OR3A2: variants seen among roughly 807,000 people sequenced by gnomAD.
OR3A2 encodes olfactory receptor 3A2.
For missense variants in OR3A2, 318 were observed against 392.8 expected, an observed-to-expected ratio of 0.81 and a Z score of 1.61; for synonymous variants, 126 against 159.3, an observed-to-expected ratio of 0.79 and a Z score of 1.57.
chr17:3,304,927 T>TTTA (rs1351497741), intron 3 of OR3A2, among the ~76,000 whole-genome samples: 1 of 152,226 alleles, frequency 6.6e-6, no homozygotes, highest in African/African-American at 2.4e-5. Context: ...ACGATTCCAC[T>TTTA]TATATAAAGT....
chr17:3,327,908 T>G (rs1397212944), intron 3 of OR3A2, among the ~76,000 whole-genome samples: 1 of 128,374 alleles, frequency 7.8e-6, no homozygotes, highest in Non-Finnish European at 1.6e-5. Context: ...TCTGTTCCAT[T>G]GACCTATATC....
chr17:3,370,772 G>A (rs932400441), intron 2 of OR3A2, among the ~76,000 whole-genome samples: 15 of 151,342 alleles, frequency 9.9e-5, no homozygotes, highest in Admixed American at 7.9e-4. Flanking sequence ...AGGACCCTGC[G>A]GCCTTCCGCA....
chr17:3,352,760 G>C (rs1253609225), intron 2 of OR3A2, among the ~76,000 whole-genome samples: 1 of 151,660 alleles, frequency 6.6e-6, no homozygotes, highest in Non-Finnish European at 1.5e-5. Context: ...ATAAATTTTA[G>C]GATTTTTTTC....
chr17:3,332,788 T>A (rs1222223157), intron 3 of OR3A2, among the ~76,000 whole-genome samples: 1 of 152,224 alleles, frequency 6.6e-6, no homozygotes, highest in African/African-American at 2.4e-5. Flanking sequence ...TGGACATTTA[T>A]CAGTTCCCAA....
rs8076130 is a variant in OR3A2 at position 3,311,208 on chromosome 17, G to A, written c.-85+24825C>T. On this transcript the variant is annotated intron_variant, in intron 3 of 4. Coordinates refer to the OR3A2 transcript ENST00000573491. The surrounding 1 kb of genome is among the most constrained non-coding windows in gnomAD (Gnocchi z 4.6). ...CATCTACTGGACATCTCTGCTGGAC[G>A]TCGGGTGCATCAGTCACTGTTCCTC... 11,985 of 536,622 alleles carry A rather than the reference G, an allele frequency of 0.022. 1,063 individuals carry two copies. The highest frequency in any genetic ancestry group is 0.2 in the African/African-American group (10,181 of 52,012). The allele number at this position is 536,622 out of a possible 1,614,324, so 33.2% of individuals were successfully genotyped here. A position where few individuals can be genotyped will look rare whatever the true frequency, so the allele number is the denominator to read the frequency against.
rs61136686 is a variant in OR3A2 at position 3,375,117 on chromosome 17, C to T, written c.-179+8687G>A. ...ATAGTCAACCTTCTGAATTCTTTATCTGGCAATTCAGAGCCTTCTTCCTTT... is the reference window on the plus strand; with the variant it reads ...ATAGTCAACCTTCTGAATTCTTTATTTGGCAATTCAGAGCCTTCTTCCTTT... On this transcript the variant is annotated intron_variant, in intron 2 of 4. Coordinates refer to the OR3A2 transcript ENST00000573491. Among the ~76,000 whole-genome samples, 3 of 66,250 alleles carry T rather than the reference C, an allele frequency of 4.5e-5. No homozygotes were observed. The South Asian group carries it at 1.7e-3, about 38-fold the overall frequency. The allele number at this position is 66,250 out of a possible 152,430, so 43.5% of individuals were successfully genotyped here.
chr17:3,369,958 C>G (rs1016900902), intron 2 of OR3A2, among the ~76,000 whole-genome samples: 1 of 152,086 alleles, frequency 6.6e-6, no homozygotes, highest in Non-Finnish European at 1.5e-5. Context: ...CGCATGCCAC[C>G]ACGCATGGCT....
chr17:3,385,511 T>C (rs2049770168), intron 1 of OR3A2, among the ~76,000 whole-genome samples: 1 of 152,184 alleles, frequency 6.6e-6, no homozygotes. Context: ...TTTTGAGTGC[T>C]TATTATATGC....
At chr17:3,365,469 C>T (rs1489278968) in intron 2 of OR3A2, among the ~76,000 whole-genome samples, 1 of 152,168 alleles carries the variant, frequency 6.6e-6, no homozygotes, top group East Asian at 1.9e-4. Flanking sequence ...AATCAGTGCT[C>T]TGTTTCAGCT....
At chr17:3,342,751 C>G (rs921842714) in intron 2 of OR3A2, among the ~76,000 whole-genome samples, 15 of 152,170 alleles carry the variant, frequency 9.9e-5, no homozygotes, top group Non-Finnish European at 2.1e-4. Context: ...ACCCACTTGA[C>G]GAGGCAGTCT....
At chr17:3,331,362 T>G (rs1185015562) in intron 3 of OR3A2, among the ~76,000 whole-genome samples, 3 of 152,310 alleles carry the variant, frequency 2.0e-5, no homozygotes, top group Admixed American at 6.5e-5. Flanking sequence ...CAATCCGACG[T>G]AGATTTGGTC....
intron 2 of OR3A2, among the ~76,000 whole-genome samples, chr17:3,364,069 G>A (rs2200196): frequency 0.15 from 23,038 of 152,064 alleles, 2,321 homozygotes; most frequent in African/African-American, 0.28. Flanking sequence ...CTTTTAAAAA[G>A]TAACTTATAA....
intron 1 of OR3A2, among the ~76,000 whole-genome samples, chr17:3,281,297 G>C (rs1167623660): frequency 6.7e-6 from 1 of 149,586 alleles, no homozygotes; most frequent in Admixed American, 6.7e-5. Flanking sequence ...GCAGTGGCAC[G>C]ATCTCGGCTC....
chr17:3,333,110 A>G (rs187593432), intron 3 of OR3A2, among the ~76,000 whole-genome samples: 1 of 152,290 alleles, frequency 6.6e-6, no homozygotes, highest in East Asian at 1.9e-4. Flanking sequence ...CCTAGCAAGG[A>G]ATATTAAATA....
chr17:3,304,941 A>G (rs1003292637), intron 3 of OR3A2, among the ~76,000 whole-genome samples: 1 of 152,266 alleles, frequency 6.6e-6, no homozygotes, highest in Non-Finnish European at 1.5e-5. Flanking sequence ...ATAAAGTTTT[A>G]GAATAGGTAG....
intron 3 of OR3A2, chr17:3,310,391 GCCC>G: frequency 1.9e-6 from 1 of 535,050 alleles, no homozygotes; most frequent in Non-Finnish European, 3.8e-6. Flanking sequence ...CAGCTCTACA[GCCC>G]ATCCTCTTTG....
Position 3,359,256 on chromosome 17 carries a change from C to T in OR3A2, c.-178-23130G>A, listed in dbSNP as rs1028472953. 5.3e-5 allele frequency among the ~76,000 whole-genome samples: 8 copies of T among 151,526 alleles called. No homozygotes were observed. The East Asian group carries it at 7.7e-4, about 15-fold the overall frequency. On this transcript the variant is annotated intron_variant, in intron 2 of 4. Coordinates refer to the OR3A2 transcript ENST00000573491. ...GCCACTCTGTGCCTTTGAAGTGGGG[C>T]ATTTAGCCCATTCACCTTCAAGGTC...
chr17:3,342,583 C>G (rs892887837), intron 2 of OR3A2, among the ~76,000 whole-genome samples: 9 of 152,194 alleles, frequency 5.9e-5, no homozygotes, highest in Middle Eastern at 3.2e-3. Flanking sequence ...CTGGGTGTCA[C>G]CAGTGGAGGC....
chr17:3,308,678 G>A (rs2049016793), intron 3 of OR3A2, among the ~76,000 whole-genome samples: 1 of 152,126 alleles, frequency 6.6e-6, no homozygotes, highest in African/African-American at 2.4e-5. Context: ...TTGAGGTAAT[G>A]GTAAGAGCAT....
Sources: gnomAD v4.1 joint callset for allele counts (sites outside exome capture counted in the v4.1 genomes callset) on GRCh38, gnomAD v4.1.1 for gene constraint, Gnocchi (gnomAD v3.1) non-coding constraint, MANE v1.5 for transcripts, NCBI Gene and HGNC (gene_info 2026-07-23, HGNC 2026-07-21) for gene names.